CPLANE1: variants seen among roughly 807,000 people sequenced by gnomAD.
CPLANE1 encodes ciliogenesis and planar polarity effector 1.
In CPLANE1, 263 loss-of-function variants were observed where a neutral mutation model predicts 362.5. The ratio of observed to expected loss-of-function variants is 0.73; its 90% confidence interval spans 0.66 to 0.80. The LOEUF (loss-of-function observed/expected upper bound fraction) is 0.80, where lower values mean the gene tolerates loss of function less well. CPLANE1 is among the 30% of genes least tolerant of loss of function. CPLANE1 has a pLI of 0.00. For synonymous variants in CPLANE1, 1,212 were observed against 1,302.6 expected (o/e 0.93, Z 1.50); for missense variants, 3,461 against 3,793.4 (o/e 0.91, Z 2.30).
downstream of CPLANE1, among the ~76,000 whole-genome samples, chr5:37,105,901 T>G (rs1261812473): frequency 6.6e-6 from 1 of 152,124 alleles, no homozygotes; most frequent in Non-Finnish European, 1.5e-5. Context: ...CCAACAGGTA[T>G]ATGAAAAAAT....
At chr5:37,197,655 T>C (rs2151392460) in intron 20 of CPLANE1, among the ~76,000 whole-genome samples, 1 of 152,298 alleles carries the variant, frequency 6.6e-6, no homozygotes, top group South Asian at 2.1e-4. Flanking sequence ...TAAATTTGTG[T>C]TAATTTGGTA....
rs148234583 is a variant in CPLANE1 at position 37,183,463 on chromosome 5, T to C, written c.4718A>G (p.Asp1573Gly). The C allele has an allele frequency of 3.1e-6, 5 of 1,613,440 alleles. No homozygotes were observed. Among genetic ancestry groups the C allele is most frequent in the Non-Finnish European group, 3.4e-6 (4 of 1,179,480 alleles). Residue 1573 changes from aspartate to glycine, a missense_variant, in exon 26 of 53, where the codon GAC becomes GGC. Asp to Gly is a moderately conservative substitution (Grantham distance 94). Transcript: ENST00000651892. ...ERDLPYSRDA[D>G]IPFLTSFSGK... ...AGAAAAACTAGTTAGAAATGGAATG[T>C]CAGCATCCCTGGAATAAGGTAGGTC...
chr5:37,235,385 C>T (rs1270328848), intron 8 of CPLANE1, among the ~76,000 whole-genome samples: 1 of 152,008 alleles, frequency 6.6e-6, no homozygotes, highest in East Asian at 1.9e-4. Context: ...GCATCTCATG[C>T]TTATGGATTA....
At chr5:37,137,949 C>G (rs1257517599) in intron 46 of CPLANE1, among the ~76,000 whole-genome samples, 4 of 151,150 alleles carry the variant, frequency 2.6e-5, no homozygotes, top group African/African-American at 9.7e-5. Flanking sequence ...TTGAGACTTG[C>G]TTTAAGGCCA....
chr5:37,198,785 G>A lies in CPLANE1; in HGVS notation c.3589C>T (p.Leu1197Phe). 1.2e-6 allele frequency: 2 copies of A among 1,614,070 alleles called. No individual in the cohort carries two copies. Among genetic ancestry groups the A allele is most frequent in the African/African-American group, 1.3e-5 (1 of 75,000 alleles). Residue 1197 changes from leucine to phenylalanine, a missense_variant, in exon 20 of 53, where the codon CTT becomes TTT. Around this residue, in one of 2 missense-constraint regions of CPLANE1, gnomAD observed 3,380 missense variants for 3,666.1 expected, o/e 0.92. Coordinates refer to ENST00000651892, the MANE Select transcript of CPLANE1 (RefSeq NM_001384732.1). ...AAAGAACACTGAGCCGCCCGGAAAA[G>A]CAGGAGAACACGCTGAAGGATTCCA... ...VSGILQRVLL[L>F]FRAAQCSFPV...
chr5:37,224,863 A>G (rs185298146), intron 12 of CPLANE1, 123 bp from the exon 13 acceptor site: 18 of 595,114 alleles, frequency 3.0e-5, no homozygotes, highest in Admixed American at 1.6e-4. Flanking sequence ...ATACAAACTG[A>G]TCACATTTAA....
At chr5:37,099,130 G>A in the CPLANE1 span, among the ~76,000 whole-genome samples, 3 of 152,082 alleles carry the variant, frequency 2.0e-5, no homozygotes, top group Non-Finnish European at 2.9e-5. Flanking sequence ...AAAATCTTTT[G>A]TTCTTCAACT....
At chr5:37,181,494 T>C (rs1346488863) in intron 26 of CPLANE1, among the ~76,000 whole-genome samples, 1 of 152,120 alleles carries the variant, frequency 6.6e-6, no homozygotes, top group African/African-American at 2.4e-5. Context: ...ATAAACTGTA[T>C]ACCTTATGAT....
At chr5:37,165,404 G>A (rs1187509097) in intron 36 of CPLANE1, 135 bp downstream of exon 36, 1 of 816,942 alleles carries the variant, frequency 1.2e-6, no homozygotes, top group Non-Finnish European at 2.0e-6. Flanking sequence ...AGCAGGGACT[G>A]ATATACTGAA....
chr5:37,170,690 C>A (rs191030714), intron 32 of CPLANE1, among the ~76,000 whole-genome samples: 1 of 152,302 alleles, frequency 6.6e-6, no homozygotes, highest in Admixed American at 6.5e-5. Context: ...GTAATCCCAG[C>A]ATTTTGGGAG....
rs983530028 is a variant in CPLANE1 at position 37,226,655 on chromosome 5, T to C, written c.1940A>G (p.His647Arg). The C allele has an allele frequency of 1.9e-6, 3 of 1,551,438 alleles. No individual in the cohort carries two copies. Among genetic ancestry groups the C allele is most frequent in the Non-Finnish European group, 2.6e-6 (3 of 1,146,854 alleles). The change falls in exon 12 of 53, where the codon CAT becomes CGT. Residue 647 changes from histidine (H) to arginine (R), a missense_variant. This residue lies in a region of CPLANE1 where 3,380 missense variants were observed against 3,666.1 expected (regional missense o/e 0.92). Transcript: ENST00000651892. ...TTGTTTGTATCTTATATCCCAATAATGGATTGATAAACACTGATGAAAAAG... is the reference window on the plus strand; with the variant it reads ...TTGTTTGTATCTTATATCCCAATAACGGATTGATAAACACTGATGAAAAAG... ...FQLFHQCLSI[H>R]YWDIRYKQDV...
At chr5:37,140,179 T>A (rs1012793269) in intron 44 of CPLANE1, 2 of 868,258 alleles carry the variant, frequency 2.3e-6, no homozygotes, top group Non-Finnish European at 2.8e-6. Flanking sequence ...TTCTTCTATA[T>A]GTTTAATTCT....
intron 51 of CPLANE1, among the ~76,000 whole-genome samples, chr5:37,113,664 A>G (rs746510611): frequency 3.9e-5 from 6 of 152,252 alleles, no homozygotes; most frequent in Non-Finnish European, 8.8e-5. Flanking sequence ...ACAATGGATT[A>G]GACATAGGTA....
At chr5:37,086,104 G>A in the CPLANE1 span, among the ~76,000 whole-genome samples, 1 of 152,076 alleles carries the variant, frequency 6.6e-6, no homozygotes, top group Admixed American at 6.6e-5. Flanking sequence ...CAATAATAGT[G>A]GGGGACTTCA....
At chr5:37,239,609 A>T in intron 7 of CPLANE1, 104 bp downstream of exon 7, 4 of 683,128 alleles carry the variant, frequency 5.9e-6, no homozygotes, top group African/African-American at 2.5e-5. Flanking sequence ...AACCAGAAAG[A>T]AAAAAAAAAT....
rs764251745 is a variant in CPLANE1 at position 37,162,562 on chromosome 5, C to T, written c.7593G>A (p.Met2531Ile). 1.1e-5 allele frequency: 17 copies of T among 1,603,132 alleles called. No homozygotes were observed. Among genetic ancestry groups the T allele is most frequent in the Admixed American group, 6.7e-5 (4 of 59,668 alleles). Residue 2531 changes from methionine (M) to isoleucine (I), a missense_variant, in exon 38 of 53, where the codon ATG becomes ATA. By Grantham distance (10) the Met-to-Ile change is conservative. Coordinates refer to ENST00000651892, the MANE Select transcript of CPLANE1 (RefSeq NM_001384732.1). ...CAGCTGAAGTATTATCATCTTGTAG[C>T]ATTTCTTAAATATAATAAAACATTG... The part of the protein sequence containing the change: ...PLDDFDVPFE[M>I]LQDDNTSAGL...
Position 37,157,341 on chromosome 5 carries a change from A to G in CPLANE1, c.8091T>C (p.Pro2697=), listed in dbSNP as rs763613757. The stretch of plus-strand genomic sequence containing the variant: ...TGTTCTGCTGTATGTCTGATGGTGT[A>G]GGTGAGGTGACACTAGGCTCCTTCA... ...TEVKEPSVTS[P]TPSDIQQNKG... is the part of the protein sequence containing the mutation. The change falls in exon 41 of 53, where the codon CCT becomes CCC. Residue 2697 remains proline, a synonymous_variant. Coordinates refer to ENST00000651892, the MANE Select transcript of CPLANE1 (RefSeq NM_001384732.1). 7 of 1,380,254 alleles carry G rather than the reference A, an allele frequency of 5.1e-6. No homozygotes were observed. In the East Asian group the frequency reaches 2.9e-4, roughly 57 times the overall value. 85.5% of individuals were successfully genotyped at this position (1,380,254 alleles called of 1,614,324 possible).
Position 37,198,217 on chromosome 5 carries a change from G to A in CPLANE1, c.3672+485C>T, listed in dbSNP as rs186824076. ...GCTCAGCTGAAGTCAATATAGAAGG[G>A]GATGAACACCTGGGAATCAAACTGA... is the stretch of plus-strand genomic sequence containing the variant. On this transcript the variant is annotated intron_variant, in intron 20 of 52. Transcript: ENST00000651892. 2.4e-4 allele frequency among the ~76,000 whole-genome samples: 37 copies of A among 152,264 alleles called. No individual in the cohort carries two copies. The East Asian group carries it at 7.1e-3, about 29-fold the overall frequency.
At chr5:37,090,442 G>C in the CPLANE1 span, among the ~76,000 whole-genome samples, 1 of 152,164 alleles carries the variant, frequency 6.6e-6, no homozygotes, top group Non-Finnish European at 1.5e-5. Flanking sequence ...ATGTCATCAG[G>C]ATTCCTTTAA....
Sources: allele counts gnomAD v4.1 joint callset (sites outside exome capture counted in the v4.1 genomes callset), GRCh38; gene constraint gnomAD v4.1.1; regional missense constraint gnomAD v4.1.1; transcripts MANE v1.5; gene names NCBI Gene and HGNC (gene_info 2026-07-23, HGNC 2026-07-21).